FSD1L: variants seen among roughly 807,000 people sequenced by gnomAD.
FSD1L encodes fibronectin type III and SPRY domain containing 1 like.
A neutral mutation model predicts 71.6 loss-of-function variants in FSD1L; 45 were observed. The observed-to-expected ratio is 0.63, with a 90% CI of 0.49 to 0.81. The LOEUF (loss-of-function observed/expected upper bound fraction) is 0.81, where lower values mean the gene tolerates loss of function less well. Among genes scored for constraint, FSD1L ranks in the 30% least tolerant of loss-of-function variants. FSD1L has a pLI of 0.00. For synonymous variants in FSD1L, 197 were observed against 207.2 expected, an observed-to-expected ratio of 0.95 and a Z score of 0.42; for missense variants, 561 against 618.1, an observed-to-expected ratio of 0.91 and a Z score of 0.98.
chr9:105,443,120 TAG>T (rs1295253820), upstream of FSD1L, among the ~76,000 whole-genome samples: 1 of 152,228 alleles, frequency 6.6e-6, no homozygotes, highest in Non-Finnish European at 1.5e-5. Context: ...GCTCTTCAAG[TAG>T]AGAGCGCCAG....
At position 105,548,593 on chromosome 9, in the gene FSD1L, G is replaced by A. The variant is rs1837136587; in HGVS notation, c.*2110G>A. ...ATGGGGAAATGCATATATTAATCAG[G>A]GGCTGGAGGAGTATACATGATTCTT... On this transcript the variant is annotated 3_prime_UTR_variant, in exon 14 of 14. Transcript: ENST00000481272. The A allele has an allele frequency of 6.6e-6, 1 of 152,304 alleles. No homozygotes were observed. Among genetic ancestry groups the A allele is most frequent in the Admixed American group, 6.6e-5 (1 of 15,230 alleles). 9.4% of individuals were successfully genotyped at this position (152,304 alleles called of 1,614,324 possible).
At position 105,471,640 on chromosome 9, in the gene FSD1L, C is replaced by A. The variant is rs559506273; in HGVS notation, c.340-264C>A. Among the ~76,000 whole-genome samples the A allele has an allele frequency of 1.6e-4, 24 of 150,582 alleles. 1 individual carries two copies. In the South Asian group the frequency reaches 4.6e-3, roughly 29 times the overall value. The stretch of plus-strand genomic sequence containing the variant: ...GTATCTTTACCTGTATGCAGTGAAG[C>A]TGTTTTCGATAAATTATGGCAAGAG... On this transcript the variant is annotated intron_variant, in intron 4 of 13. Coordinates refer to ENST00000481272, the MANE Select transcript of FSD1L (RefSeq NM_001145313.3).
upstream of FSD1L, among the ~76,000 whole-genome samples, chr9:105,446,989 G>A (rs544714874): frequency 1.3e-5 from 2 of 152,050 alleles, no homozygotes; most frequent in South Asian, 4.1e-4. Context: ...TGATGCCTCA[G>A]GCCACACCGA....
chr9:105,451,912 A>G (rs543907801), intron 1 of FSD1L, among the ~76,000 whole-genome samples: 18 of 152,314 alleles, frequency 1.2e-4, no homozygotes, highest in African/African-American at 4.1e-4. Context: ...TACTTACTGT[A>G]GGAATAAGAA....
At chr9:105,448,604 A>T (rs1233380739) in intron 1 of FSD1L, among the ~76,000 whole-genome samples, 2 of 111,948 alleles carry the variant, frequency 1.8e-5, no homozygotes. Flanking sequence ...TCAGCAGGTG[A>T]GGAAACCGAG....
intron 10 of FSD1L, among the ~76,000 whole-genome samples, chr9:105,518,498 T>A (rs182065815): frequency 6.6e-6 from 1 of 152,252 alleles, no homozygotes; most frequent in Admixed American, 6.5e-5. Flanking sequence ...GAACTGAAGA[T>A]TAAGAAACTC....
chr9:105,467,551 A>G (rs1831163518), intron 3 of FSD1L, among the ~76,000 whole-genome samples: 1 of 152,222 alleles, frequency 6.6e-6, no homozygotes, highest in East Asian at 1.9e-4. Context: ...CAAGTAACTT[A>G]TCTGTATTTT....
At chr9:105,515,544 A>G (rs1391422127) in intron 10 of FSD1L, among the ~76,000 whole-genome samples, 1 of 152,156 alleles carries the variant, frequency 6.6e-6, no homozygotes, top group Non-Finnish European at 1.5e-5. Flanking sequence ...GAGCTGAAGC[A>G]GGGTAGAGTG....
chr9:105,478,157 A>G (rs553491204), intron 5 of FSD1L, among the ~76,000 whole-genome samples: 2 of 152,316 alleles, frequency 1.3e-5, no homozygotes, highest in South Asian at 2.1e-4. Flanking sequence ...AGGCAGGAGA[A>G]TGGCATGAAC....
At chr9:105,478,539 A>C (rs1831965315) in intron 5 of FSD1L, among the ~76,000 whole-genome samples, 2 of 152,218 alleles carry the variant, frequency 1.3e-5, no homozygotes, top group South Asian at 4.1e-4. Flanking sequence ...TGGAGAAAAA[A>C]ACTTTTGTTG....
intron 7 of FSD1L, among the ~76,000 whole-genome samples, chr9:105,489,601 C>A (rs571772300): frequency 3.3e-4 from 50 of 152,070 alleles, no homozygotes; most frequent in Non-Finnish European, 8.8e-5. Flanking sequence ...GTGTGCTGCA[C>A]ACATTAACTC....
intron 7 of FSD1L, among the ~76,000 whole-genome samples, chr9:105,499,416 G>T (rs1341390048): frequency 1.3e-5 from 2 of 151,940 alleles, no homozygotes; most frequent in South Asian, 2.1e-4. Flanking sequence ...TGTCTTTAAA[G>T]AACTTTTTAA....
At chr9:105,498,028 A>G (rs1163891534) in intron 7 of FSD1L, among the ~76,000 whole-genome samples, 2 of 151,840 alleles carry the variant, frequency 1.3e-5, no homozygotes, top group African/African-American at 4.8e-5. Context: ...CTTTTTTTGT[A>G]GAGATGGGGT....
At chr9:105,522,980 T>C in intron 10 of FSD1L, 1 of 1,614,038 alleles carries the variant, frequency 6.2e-7, no homozygotes, top group Non-Finnish European at 8.5e-7. Flanking sequence ...GCTCAGATAG[T>C]CATTCGGATT....
At chr9:105,490,447 T>G (rs1029791296) in intron 7 of FSD1L, among the ~76,000 whole-genome samples, 6 of 152,092 alleles carry the variant, frequency 3.9e-5, no homozygotes, top group Non-Finnish European at 5.9e-5. Context: ...TTCTCCCATT[T>G]TGTAGGTTGC....
rs557124227 is a variant in FSD1L, at chr9:105,462,235, A to T, written c.111+620A>T. 1.1e-3 allele frequency among the ~76,000 whole-genome samples: 133 copies of T among 123,108 alleles called. 2 individuals carry two copies. Among genetic ancestry groups the T allele is most frequent in the Non-Finnish European group, 6.3e-4 (38 of 60,206 alleles). The allele number at this position is 123,108 out of a possible 152,430, so 80.8% of individuals were successfully genotyped here. A position where few individuals can be genotyped will look rare whatever the true frequency, so the allele number is the denominator to read the frequency against. On this transcript the variant is annotated intron_variant, in intron 2 of 13. Transcript: ENST00000481272. ...TTAAGTTTTGTTTTTTTTTTTTTTG[A>T]GATGGAATCTTGCTCTGTCACCCAG...
chr9:105,455,594 C>T (rs915836698), intron 1 of FSD1L, among the ~76,000 whole-genome samples: 1 of 152,202 alleles, frequency 6.6e-6, no homozygotes, highest in Admixed American at 6.5e-5. Flanking sequence ...GGTACAGGCT[C>T]TGGAGGCAAC....
chr9:105,522,387 G>C, intron 10 of FSD1L: 2 of 1,614,074 alleles, frequency 1.2e-6, no homozygotes, highest in Non-Finnish European at 1.7e-6. Flanking sequence ...GAAAGTTTCA[G>C]TTGACAAGTC....
At chr9:105,448,690 C>G (rs184771556) in intron 1 of FSD1L, among the ~76,000 whole-genome samples, 1 of 152,302 alleles carries the variant, frequency 6.6e-6, no homozygotes, top group African/African-American at 2.4e-5. Flanking sequence ...GTCTCAGCAC[C>G]ACGCTCTTTA....
Sources: allele counts gnomAD v4.1 joint callset (sites outside exome capture counted in the v4.1 genomes callset), GRCh38; gene constraint gnomAD v4.1.1; transcripts MANE v1.5; gene names NCBI Gene and HGNC (gene_info 2026-07-23, HGNC 2026-07-21).